The following SLC25A26 variants were observed in gnomAD, a reference collection of about 807,000 sequenced individuals.
SLC25A26 encodes solute carrier family 25 member 26, also known as mitochondrial S-adenosylmethionine carrier protein.
Under a neutral mutation model 37.8 loss-of-function variants are expected in SLC25A26, and 36 were observed. The ratio of observed to expected loss-of-function variants is 0.95; its 90% CI spans 0.73 to 1.26. SLC25A26 has a LOEUF of 1.26. Among genes scored for constraint, SLC25A26 ranks in the 50% most tolerant of loss-of-function variants. SLC25A26 has a pLI of 0.00. For synonymous variants in SLC25A26, 129 were observed against 122.5 expected, an observed-to-expected ratio of 1.05 and a Z score of -0.35; for missense variants, 390 against 331.1, an observed-to-expected ratio of 1.18 and a Z score of -1.38.
chr3:66,240,147 A>G (rs1485746955), intron 2 of SLC25A26, among the ~76,000 whole-genome samples: 2 of 152,088 alleles, frequency 1.3e-5, no homozygotes, highest in Non-Finnish European at 1.5e-5. Flanking sequence ...GCTCCTGTGG[A>G]GATAATTAGT....
intron 5 of SLC25A26, among the ~76,000 whole-genome samples, chr3:66,341,186 C>T: frequency 6.6e-6 from 1 of 152,076 alleles, no homozygotes; most frequent in East Asian, 1.9e-4. Flanking sequence ...TTCAGTCTGT[C>T]ACCATTAAGA....
intron 5 of SLC25A26, among the ~76,000 whole-genome samples, chr3:66,331,971 G>A (rs1325468037): frequency 6.6e-6 from 1 of 151,600 alleles, no homozygotes; most frequent in Non-Finnish European, 1.5e-5. Context: ...TCGCTGTGTT[G>A]CCCAAGCTGG....
rs960159138 is a variant in SLC25A26 at position 66,211,258 on chromosome 3, C to T, written c.-353-9484C>T. On this transcript the variant is annotated intron_variant, in intron 1 of 10. Transcript: ENST00000676754. ...TCATTTAGGACACACAATGGTAGCTCAGAAGAATAGAGGGGTTGTGCCCTT... is the reference window on the plus strand; with the variant it reads ...TCATTTAGGACACACAATGGTAGCTTAGAAGAATAGAGGGGTTGTGCCCTT... 3.9e-3 allele frequency among the ~76,000 whole-genome samples: 597 copies of T among 152,222 alleles called. 4 individuals are homozygous for T. Among genetic ancestry groups the T allele is most frequent in the African/African-American group, 0.014 (575 of 41,528 alleles).
chr3:66,174,667 T>C (rs1302753400), intron 1 of SLC25A26, among the ~76,000 whole-genome samples: 1 of 151,936 alleles, frequency 6.6e-6, no homozygotes, highest in Non-Finnish European at 1.5e-5. Context: ...GCGCCTGTAG[T>C]CCCACCTACT....
At chr3:66,267,347 T>C (rs1476729653) in intron 5 of SLC25A26, among the ~76,000 whole-genome samples, 1 of 151,534 alleles carries the variant, frequency 6.6e-6, no homozygotes, top group African/African-American at 2.4e-5. Flanking sequence ...AGAATTGGGG[T>C]TTTCATGACC....
chr3:66,216,966 T>G (rs2106849114), upstream of SLC25A26, among the ~76,000 whole-genome samples: 1 of 152,350 alleles, frequency 6.6e-6, no homozygotes, highest in Non-Finnish European at 1.5e-5. Context: ...TAGGTCATGT[T>G]TGTAATATCT....
At chr3:66,192,781 C>T (rs915886372) in intron 1 of SLC25A26, among the ~76,000 whole-genome samples, 2 of 152,088 alleles carry the variant, frequency 1.3e-5, no homozygotes, top group Non-Finnish European at 2.9e-5. Context: ...ATTGTCTCTT[C>T]CTTCTTAAAA....
At chr3:66,327,720 A>G (rs2075873066) in intron 5 of SLC25A26, among the ~76,000 whole-genome samples, 1 of 152,174 alleles carries the variant, frequency 6.6e-6, no homozygotes, top group African/African-American at 2.4e-5. Context: ...TATGATTGAC[A>G]TACAAAAAGC....
intron 1 of SLC25A26, among the ~76,000 whole-genome samples, chr3:66,148,754 A>G (rs1179334452): frequency 2.6e-5 from 4 of 152,128 alleles, no homozygotes; most frequent in Non-Finnish European, 5.9e-5. Context: ...TCTAAAATGT[A>G]GAGATGTTGC....
At chr3:66,326,716 C>G (rs2075847366) in intron 5 of SLC25A26, among the ~76,000 whole-genome samples, 1 of 152,216 alleles carries the variant, frequency 6.6e-6, no homozygotes, top group Non-Finnish European at 1.5e-5. Flanking sequence ...TTTCCACCCC[C>G]ACACCCTGCA....
At chr3:66,306,329 T>C (rs2075220544) in intron 5 of SLC25A26, among the ~76,000 whole-genome samples, 1 of 152,168 alleles carries the variant, frequency 6.6e-6, no homozygotes, top group African/African-American at 2.4e-5. Context: ...TGAGACGGTA[T>C]CTCATTGTGG....
intron 1 of SLC25A26, among the ~76,000 whole-genome samples, chr3:66,234,460 T>G (rs1001702153): frequency 1.3e-5 from 2 of 152,212 alleles, no homozygotes; most frequent in African/African-American, 4.8e-5. Context: ...TGTGCCCTTT[T>G]GGGTGACGTC....
At chr3:66,307,297 T>A (rs1239555540) in intron 5 of SLC25A26, among the ~76,000 whole-genome samples, 1 of 152,278 alleles carries the variant, frequency 6.6e-6, no homozygotes, top group Non-Finnish European at 1.5e-5. Flanking sequence ...GCCGCATAAA[T>A]GTCTTCTTTT....
intron 7 of SLC25A26, among the ~76,000 whole-genome samples, chr3:66,369,044 C>CAAAAAAAAAAAAAAAAAAAAAAAAAAAAA (rs1559746385): frequency 6.3e-5 from 1 of 15,952 alleles, no homozygotes; most frequent in Non-Finnish European, 1.0e-4. Context: ...AAAAAAAAAA[C>CAAAAAAAAAAAAAAAAAAAAAAAAAAAAA]AAAAACAAAA....
chr3:66,135,333 G>T lies in SLC25A26; in HGVS notation c.-354+1349G>T, dbSNP rs563198066. ...TTAGCTTTAGTAAAATATAAACATT[G>T]TAATACGTTACATGCTCAAATCCTA... is the stretch of plus-strand genomic sequence containing the variant. On this transcript the variant is annotated intron_variant, in intron 1 of 10. Transcript: ENST00000676754. 2.0e-5 allele frequency among the ~76,000 whole-genome samples: 3 copies of T among 152,224 alleles called. No homozygotes were observed. In the East Asian group the frequency reaches 5.8e-4, roughly 29 times the overall value.
At chr3:66,271,722 A>G (rs1266512825) in intron 5 of SLC25A26, among the ~76,000 whole-genome samples, 1 of 152,080 alleles carries the variant, frequency 6.6e-6, no homozygotes, top group Non-Finnish European at 1.5e-5. Context: ...TTCCAGCTAA[A>G]GTTTCATCTC....
intron 5 of SLC25A26, among the ~76,000 whole-genome samples, chr3:66,294,951 A>G (rs1194714087): frequency 6.6e-6 from 1 of 152,252 alleles, no homozygotes; most frequent in Admixed American, 6.5e-5. Flanking sequence ...ATTAAAAAAT[A>G]TAAACTGTTA....
chr3:66,262,275 A>G, intron 4 of SLC25A26, 120 bp downstream of exon 4: 1 of 483,468 alleles, frequency 2.1e-6, no homozygotes, highest in Non-Finnish European at 3.6e-6. Context: ...TTTAATGTCC[A>G]GTTATAGTAA....
At chr3:66,270,338 T>C (rs968720180) in intron 5 of SLC25A26, among the ~76,000 whole-genome samples, 1 of 152,202 alleles carries the variant, frequency 6.6e-6, no homozygotes, top group African/African-American at 2.4e-5. Flanking sequence ...AAACTTCTAA[T>C]GTGAAATTGT....
Sources: allele counts gnomAD v4.1 joint callset (sites outside exome capture counted in the v4.1 genomes callset), GRCh38; gene constraint gnomAD v4.1.1; transcripts MANE v1.5; gene names NCBI Gene and HGNC (gene_info 2026-07-23, HGNC 2026-07-21).